Variants in RTF2 observed in about 807,000 individuals in gnomAD.
RTF2 encodes replication termination factor 2, also known as UPF0549 protein C20orf43.
RTF2 carries 18 observed loss-of-function variants against 38.0 expected under a neutral mutation model. That is an observed-to-expected ratio of 0.47 (90% confidence interval 0.33 to 0.70). RTF2 has a LOEUF of 0.70. RTF2 is among the 30% of genes least tolerant of loss of function. The pLI, the probability that RTF2 is intolerant of heterozygous loss-of-function variation, is 0.02. For missense variants in RTF2, 311 were observed against 379.6 expected, an observed-to-expected ratio of 0.82 and a Z score of 1.50; for synonymous variants, 126 against 137.1, an observed-to-expected ratio of 0.92 and a Z score of 0.57.
intron 5 of RTF2, among the ~76,000 whole-genome samples, chr20:56,508,576 TAGAA>T (rs1284697472): frequency 2.6e-4 from 39 of 152,316 alleles, no homozygotes; most frequent in South Asian, 4.1e-4. Context: ...TCATAGATAT[TAGAA>T]AGATAAATTT....
At chr20:56,503,087 CTG>C (rs1360111409) in intron 5 of RTF2, among the ~76,000 whole-genome samples, 1 of 152,242 alleles carries the variant, frequency 6.6e-6, no homozygotes, top group Non-Finnish European at 1.5e-5. Flanking sequence ...GGCCCCAAAA[CTG>C]TAACTGCAGG....
In RTF2 at chr20:56,518,470, GC is replaced by G; in HGVS notation, c.*208del. ...GGGACATGGGAGGGGCTGCACAGTG[GC>G]CCGAGGTCATGCTTGCTTCCACCTG... On this transcript the variant is annotated 3_prime_UTR_variant, in exon 9 of 9. Transcript: ENST00000357348. 1 of 473,402 alleles carries G rather than the reference GC, an allele frequency of 2.1e-6. No homozygotes were observed. The highest frequency in any genetic ancestry group is 3.6e-6 in the Non-Finnish European group (1 of 274,620). 29.3% of individuals were successfully genotyped at this position (473,402 alleles called of 1,614,324 possible).
intron 1 of RTF2, among the ~76,000 whole-genome samples, chr20:56,469,365 G>C (rs192824207): frequency 1.3e-5 from 2 of 151,992 alleles, no homozygotes; most frequent in Non-Finnish European, 2.9e-5. Context: ...TAAATATTTC[G>C]AATAAACAAA....
chr20:56,483,473 C>T (rs1002344832), intron 4 of RTF2, among the ~76,000 whole-genome samples: 1 of 152,042 alleles, frequency 6.6e-6, no homozygotes, highest in Non-Finnish European at 1.5e-5. Context: ...CAGGGACCCA[C>T]CATCACACTT....
chr20:56,483,194 T>G (rs1387247793), intron 4 of RTF2, among the ~76,000 whole-genome samples: 1 of 152,194 alleles, frequency 6.6e-6, no homozygotes, highest in African/African-American at 2.4e-5. Flanking sequence ...TGCACACTTG[T>G]GGGCATGTTT....
At chr20:56,489,812 T>A (rs1983002174) in intron 5 of RTF2, among the ~76,000 whole-genome samples, 1 of 152,234 alleles carries the variant, frequency 6.6e-6, no homozygotes, top group Non-Finnish European at 1.5e-5. Context: ...GGGTTTACAT[T>A]CAGTTGCTAT....
chr20:56,505,854 T>C (rs139601814), intron 5 of RTF2, among the ~76,000 whole-genome samples: 3 of 152,114 alleles, frequency 2.0e-5, no homozygotes, highest in Non-Finnish European at 2.9e-5. Flanking sequence ...GACTAAAACA[T>C]TTAAAAAATG....
chr20:56,490,732 G>A (rs1016873220), intron 5 of RTF2, among the ~76,000 whole-genome samples: 10 of 152,242 alleles, frequency 6.6e-5, no homozygotes, highest in African/African-American at 1.9e-4. Context: ...CAGGAGAATG[G>A]CTTGAACCTG....
chr20:56,487,803 T>C (rs921765551), intron 5 of RTF2, among the ~76,000 whole-genome samples: 1 of 152,230 alleles, frequency 6.6e-6, no homozygotes, highest in African/African-American at 2.4e-5. Flanking sequence ...AGGCCTCTCA[T>C]TGGCTTCTAG....
intron 6 of RTF2, among the ~76,000 whole-genome samples, chr20:56,514,525 G>A (rs530848436): frequency 4.6e-5 from 7 of 152,252 alleles, no homozygotes; most frequent in South Asian, 4.1e-4. Context: ...GTGCCAGTCC[G>A]AGGCGAGAGT....
intron 4 of RTF2, among the ~76,000 whole-genome samples, chr20:56,477,462 A>G (rs1325114863): frequency 1.3e-5 from 2 of 152,224 alleles, no homozygotes; most frequent in Non-Finnish European, 2.9e-5. Context: ...GACAGAAAGC[A>G]AAGAGCAAAT....
Position 56,491,346 on chromosome 20 carries a change from G to A in RTF2, c.477+7157G>A. 3.6e-6 allele frequency: 2 copies of A among 562,026 alleles called. 1 individual carries two copies. The highest frequency in any genetic ancestry group is 4.1e-5 in the South Asian group (2 of 48,208). 34.8% of individuals were successfully genotyped at this position (562,026 alleles called of 1,614,324 possible). ...CTAAGTGCATTGCTATATGTCACCA[G>A]TGGTAGCTTGAGTTTTTTTGTCTTG... On this transcript the variant is annotated intron_variant, in intron 5 of 8. Coordinates refer to ENST00000357348, the MANE Select transcript of RTF2 (RefSeq NM_016407.5).
At position 56,468,659 on chromosome 20, in the gene RTF2, C is replaced by G. The variant is rs777883610; in HGVS notation, c.-39C>G. 9.7e-6 allele frequency: 15 copies of G among 1,542,862 alleles called. No individual in the cohort carries two copies. The highest frequency in any genetic ancestry group is 5.5e-5 in the African/African-American group (4 of 73,090). On this transcript the variant is annotated 5_prime_UTR_variant, in exon 1 of 9. Transcript: ENST00000357348. The stretch of plus-strand genomic sequence containing the variant: ...TCGCCGGAAATCCCGGAAGTGACAG[C>G]TTTGGGGGTTTGCTGCTGGCTCTGA...
At chr20:56,472,399 G>A in intron 1 of RTF2, 2 of 1,541,074 alleles carry the variant, frequency 1.3e-6, no homozygotes. Context: ...GGGAAGGAGT[G>A]GGACATGGAA....
Position 56,518,084 on chromosome 20 carries a change from T to C in RTF2, c.743-3T>C. On this transcript the variant is annotated splice_region_variant and splice_polypyrimidine_tract_variant and intron_variant, in intron 8 of 8. Transcript: ENST00000357348. ...TGACAGTTTTGGCTCTTCATTTTTC[T>C]AGCAATGAATGAGAGCTCTTCTGGA... 1.2e-6 allele frequency: 2 copies of C among 1,603,050 alleles called. No homozygotes were observed. The highest frequency in any genetic ancestry group is 1.7e-6 in the Non-Finnish European group (2 of 1,176,578).
chr20:56,472,338 A>C, intron 1 of RTF2: 1 of 1,540,528 alleles, frequency 6.5e-7, no homozygotes, highest in East Asian at 2.4e-5. Flanking sequence ...TTGGCATTTG[A>C]AGAATGGGAA....
chr20:56,496,644 A>G, intron 5 of RTF2: 2 of 1,492,020 alleles, frequency 1.3e-6, no homozygotes, highest in South Asian at 2.7e-5. Context: ...CTTACCTTTT[A>G]GTCGGTTCAG....
In RTF2 at chr20:56,470,207, C is replaced by A. The variant is rs143439387; in HGVS notation, c.69+1441C>A. On this transcript the variant is annotated intron_variant, in intron 1 of 8. Coordinates refer to ENST00000357348, the MANE Select transcript of RTF2 (RefSeq NM_016407.5). ...AGGCGAATGCTGGATAATTAGCATT[C>A]ATGAGTGGTTTTTTGGCTTTCACCA... 1.8e-3 allele frequency among the ~76,000 whole-genome samples: 270 copies of A among 152,326 alleles called. 1 individual carries two copies. Among genetic ancestry groups the A allele is most frequent in the African/African-American group, 6.2e-3 (257 of 41,574 alleles).
chr20:56,473,747 G>A (rs1202750785), intron 2 of RTF2, among the ~76,000 whole-genome samples: 1 of 152,124 alleles, frequency 6.6e-6, no homozygotes, highest in African/African-American at 2.4e-5. Flanking sequence ...CCAGGCACCT[G>A]GTGGCTGGCA....
Sources: allele counts gnomAD v4.1 joint callset (sites outside exome capture counted in the v4.1 genomes callset), GRCh38; gene constraint gnomAD v4.1.1; transcripts MANE v1.5; gene names NCBI Gene and HGNC (gene_info 2026-07-23, HGNC 2026-07-21).